Variants in AGBL1 observed in about 807,000 individuals in gnomAD.
The protein encoded by AGBL1 is AGBL carboxypeptidase 1, also known as cytosolic carboxypeptidase 4.
In AGBL1, 130 loss-of-function variants were observed where a neutral mutation model predicts 118.9. The observed-to-expected ratio is 1.09, with a 90% CI of 0.95 to 1.26. AGBL1 has a LOEUF of 1.26. Ranked by LOEUF, AGBL1 falls within the 50% of genes most tolerant of loss-of-function variation. The probability of loss-of-function intolerance (pLI) is 0.00; values close to 1 mark genes in which losing one functional copy is unlikely to be tolerated. For missense variants in AGBL1, 1,584 were observed against 1,298.1 expected (o/e 1.22, Z -3.38); for synonymous variants, 555 against 478.9 (o/e 1.16, Z -2.08).
intron 17 of AGBL1, among the ~76,000 whole-genome samples, chr15:86,301,703 C>A (rs1182307199): frequency 7.1e-6 from 1 of 140,460 alleles, no homozygotes; most frequent in East Asian, 2.1e-4. Flanking sequence ...TGATGTCAAA[C>A]GGGTCATTAT....
At chr15:86,188,764 T>C (rs2077671795) in intron 5 of AGBL1, among the ~76,000 whole-genome samples, 1 of 152,202 alleles carries the variant, frequency 6.6e-6, no homozygotes, top group Non-Finnish European at 1.5e-5. Flanking sequence ...CATCTTGATA[T>C]ACTGTTGCTG....
chr15:86,487,063 A>G (rs1181822190), intron 18 of AGBL1, among the ~76,000 whole-genome samples: 2 of 152,014 alleles, frequency 1.3e-5, no homozygotes, highest in East Asian at 1.9e-4. Flanking sequence ...TAGCTGCCCA[A>G]TATTCTCAGG....
At position 86,154,468 on chromosome 15, in the gene AGBL1, C is replaced by T. The variant is rs757455858; in HGVS notation, c.301C>T (p.Leu101Phe). 2.5e-5 allele frequency: 40 copies of T among 1,612,860 alleles called. No individual in the cohort carries two copies. The highest frequency in any genetic ancestry group is 3.2e-5 in the Non-Finnish European group (38 of 1,179,530). ...ACGGAAGGCCCTAGAATTGGAAGCA[C>T]TTGATGTGACATTGATTCTGGCCAG... The part of the protein sequence containing the change: ...IGRKALELEA[L>F]DVTLILARKN... Residue 101 changes from leucine (L) to phenylalanine (F), a missense_variant, in exon 4 of 23, where the codon CTT becomes TTT. Transcript: ENST00000614907.
intron 21 of AGBL1, among the ~76,000 whole-genome samples, chr15:86,556,625 G>A (rs1170702825): frequency 6.6e-6 from 1 of 152,100 alleles, no homozygotes; most frequent in Non-Finnish European, 1.5e-5. Flanking sequence ...TTTTGCGTAA[G>A]GTACATAATG....
intron 17 of AGBL1, among the ~76,000 whole-genome samples, chr15:86,304,568 T>A (rs2079807954): frequency 6.6e-6 from 1 of 152,218 alleles, no homozygotes; most frequent in Admixed American, 6.6e-5. Context: ...ATGAAGCAGG[T>A]GCACAAGACA....
At chr15:86,315,717 C>CA (rs35136419) in intron 17 of AGBL1, among the ~76,000 whole-genome samples, 79,385 of 127,340 alleles carry the variant, frequency 0.62, 24,004 homozygotes, top group Non-Finnish European at 0.66. Context: ...GACTTTTTCT[C>CA]AAAAAAAAAA....
At chr15:86,523,462 A>T (rs558813398) in intron 19 of AGBL1, among the ~76,000 whole-genome samples, 81 of 152,312 alleles carry the variant, frequency 5.3e-4, no homozygotes, top group Non-Finnish European at 8.7e-4. Context: ...GTAAGGTTAC[A>T]TTCACAAGTA....
Position 86,893,776 on chromosome 15 carries a change from C to T in AGBL1, c.3159-13311C>T, listed in dbSNP as rs906992631. Among the ~76,000 whole-genome samples the T allele has an allele frequency of 2.6e-5, 4 of 152,106 alleles. No homozygotes were observed. The South Asian group carries it at 6.2e-4, about 24-fold the overall frequency. ...AAGGAAAGGGGAATAAAAATTCAGT[C>T]GAGTGACTATGTGTGAGGTTCTATG... is the stretch of plus-strand genomic sequence containing the variant. On this transcript the variant is annotated intron_variant, in intron 22 of 22. Transcript: ENST00000614907.
At chr15:86,405,892 CA>C (rs1408317668) in intron 18 of AGBL1, among the ~76,000 whole-genome samples, 2 of 151,686 alleles carry the variant, frequency 1.3e-5, no homozygotes, top group African/African-American at 4.8e-5. Context: ...ATGGAGGAAG[CA>C]AATGCCAGAG....
rs139465556 is a variant in AGBL1, at chr15:86,625,505, T to C, written c.2995-48768T>C. Among the ~76,000 whole-genome samples the C allele has an allele frequency of 4.1e-4, 62 of 151,708 alleles. 1 individual carries two copies. The East Asian group carries it at 9.6e-3, about 23-fold the overall frequency. Reference sequence around the variant, plus strand: ...TCTGTCCAGATTAATCCCACTGTAATTGGGGTGTTCATTTACAAACTACAC... The same window carrying C: ...TCTGTCCAGATTAATCCCACTGTAACTGGGGTGTTCATTTACAAACTACAC... On this transcript the variant is annotated intron_variant, in intron 21 of 22. Coordinates refer to ENST00000614907, the MANE Select transcript of AGBL1 (RefSeq NM_001386094.1).
intron 18 of AGBL1, among the ~76,000 whole-genome samples, chr15:86,468,847 G>A (rs1229160738): frequency 6.6e-6 from 1 of 152,180 alleles, no homozygotes; most frequent in African/African-American, 2.4e-5. Flanking sequence ...TCATCTTGAA[G>A]CTGAAGGGGA....
At chr15:86,680,302 C>T (rs2085929273) in intron 22 of AGBL1, among the ~76,000 whole-genome samples, 1 of 151,946 alleles carries the variant, frequency 6.6e-6, no homozygotes, top group Non-Finnish European at 1.5e-5. Context: ...TCAGAGAGCA[C>T]CTTAAAAGTA....
intron 1 of AGBL1, among the ~76,000 whole-genome samples, chr15:86,124,314 A>G (rs1283577932): frequency 7.1e-6 from 1 of 140,254 alleles, no homozygotes; most frequent in African/African-American, 2.8e-5. Context: ...TGGGCACCAG[A>G]GTGAGACTCT....
intron 7 of AGBL1, among the ~76,000 whole-genome samples, chr15:86,248,410 G>A (rs1841126582): frequency 6.6e-6 from 1 of 152,180 alleles, no homozygotes; most frequent in Admixed American, 6.5e-5. Flanking sequence ...TACCAGAGGT[G>A]CAGTGTATGG....
At chr15:86,930,457 G>C (rs1223481699) in intron 23 of AGBL1, among the ~76,000 whole-genome samples, 1 of 152,098 alleles carries the variant, frequency 6.6e-6, no homozygotes, top group Non-Finnish European at 1.5e-5. Context: ...TGCTTCGGGA[G>C]ATCTGTTTAT....
intron 5 of AGBL1, among the ~76,000 whole-genome samples, chr15:86,214,674 C>G (rs1409603849): frequency 1.3e-5 from 2 of 152,198 alleles, no homozygotes; most frequent in African/African-American, 4.8e-5. Context: ...CTGGGGATTC[C>G]CAAAAGCTTT....
chr15:86,424,170 G>T (rs2081833385), intron 18 of AGBL1, among the ~76,000 whole-genome samples: 1 of 152,098 alleles, frequency 6.6e-6, no homozygotes, highest in Non-Finnish European at 1.5e-5. Context: ...CATGGTAATG[G>T]TACTGGTACC....
chr15:86,684,463 C>CTTTTTTTTTTTTTTT (rs11436174), intron 22 of AGBL1, among the ~76,000 whole-genome samples: 1 of 145,998 alleles, frequency 6.8e-6, no homozygotes. Context: ...ATAGTTCTCT[C>CTTTTTTTTTTTTTTT]TTTTTTTTTT....
intron 18 of AGBL1, among the ~76,000 whole-genome samples, chr15:86,481,850 G>A (rs1280713184): frequency 1.3e-5 from 2 of 152,090 alleles, no homozygotes; most frequent in East Asian, 3.9e-4. Context: ...GATAGATATT[G>A]TCTGACTCAA....
Sources: allele counts gnomAD v4.1 joint callset (sites outside exome capture counted in the v4.1 genomes callset), GRCh38; gene constraint gnomAD v4.1.1; transcripts MANE v1.5; gene names NCBI Gene and HGNC (gene_info 2026-07-23, HGNC 2026-07-21).